PCSK2: variants seen among roughly 807,000 people sequenced by gnomAD.
The protein encoded by PCSK2 is neuroendocrine convertase 2.
PCSK2 carries 14 observed loss-of-function variants against 69.7 expected under a neutral mutation model. The ratio of observed to expected loss-of-function variants is 0.20; its 90% CI spans 0.13 to 0.31. The LOEUF (loss-of-function observed/expected upper bound fraction) is 0.31. Among genes scored for constraint, PCSK2 ranks in the 10% least tolerant of loss-of-function variants. PCSK2 has a pLI of 1.00. For missense variants in PCSK2, 544 were observed against 842.5 expected (o/e 0.65, Z 4.39); for synonymous variants, 307 against 320.7 (o/e 0.96, Z 0.46).
chr20:17,338,163 ATT>A (rs138403647), intron 2 of PCSK2, among the ~76,000 whole-genome samples: 1 of 52,898 alleles, frequency 1.9e-5, no homozygotes, highest in African/African-American at 5.6e-5. Context: ...GAAACCTTAC[ATT>A]TTTTTTGGGG....
chr20:17,382,628 T>C (rs1403342920), intron 5 of PCSK2, among the ~76,000 whole-genome samples: 2 of 152,118 alleles, frequency 1.3e-5, no homozygotes, highest in East Asian at 3.9e-4. Flanking sequence ...ACCACTGGCA[T>C]CCTGGACCAA....
chr20:17,315,430 C>T (rs1376995282), intron 2 of PCSK2, among the ~76,000 whole-genome samples: 1 of 152,198 alleles, frequency 6.6e-6, no homozygotes, highest in Admixed American at 6.5e-5. Flanking sequence ...TATAAGGGAA[C>T]CCGTGGGTGG....
intron 2 of PCSK2, among the ~76,000 whole-genome samples, chr20:17,294,156 T>G (rs148978764): frequency 0.012 from 1,672 of 143,190 alleles, 31 homozygotes; most frequent in African/African-American, 0.041. Flanking sequence ...CCAGGCCGGA[T>G]TGCAGTGGCG....
intron 4 of PCSK2, among the ~76,000 whole-genome samples, chr20:17,366,864 C>T (rs150228584): frequency 2.6e-5 from 4 of 152,210 alleles, no homozygotes; most frequent in African/African-American, 9.6e-5. Context: ...CTCAAATTAT[C>T]TTCTTGCTCC....
chr20:17,449,207 A>G (rs6131953), intron 8 of PCSK2, among the ~76,000 whole-genome samples: 100,843 of 151,922 alleles, frequency 0.66, 33,824 homozygotes, highest in African/African-American at 0.75. Flanking sequence ...GCTGACAGCC[A>G]TTCCACTCAC....
At chr20:17,384,114 C>T (rs6034812) in intron 5 of PCSK2, among the ~76,000 whole-genome samples, 1 of 152,178 alleles carries the variant, frequency 6.6e-6, no homozygotes. Context: ...CCATTGTGTC[C>T]TATAAGCAAC....
chr20:17,444,601 T>C (rs1438604142), intron 8 of PCSK2, among the ~76,000 whole-genome samples: 1 of 152,238 alleles, frequency 6.6e-6, no homozygotes, highest in Admixed American at 6.5e-5. Context: ...GTCTTAGTTT[T>C]AGATCTCCTA....
At chr20:17,282,268 T>A (rs1988345029) in intron 2 of PCSK2, among the ~76,000 whole-genome samples, 1 of 152,030 alleles carries the variant, frequency 6.6e-6, no homozygotes, top group African/African-American at 2.4e-5. Flanking sequence ...CACACACATA[T>A]GTATATATAT....
intron 2 of PCSK2, among the ~76,000 whole-genome samples, chr20:17,337,687 G>A (rs1425124649): frequency 6.6e-6 from 1 of 152,070 alleles, no homozygotes; most frequent in Admixed American, 6.6e-5. Flanking sequence ...CATTTTGGGA[G>A]TCCGATGCAG....
intron 1 of PCSK2, among the ~76,000 whole-genome samples, chr20:17,241,717 A>T (rs948888034): frequency 2.6e-5 from 4 of 151,808 alleles, no homozygotes; most frequent in African/African-American, 9.7e-5. Flanking sequence ...CTATCCATGA[A>T]GATTAGTCCA....
At chr20:17,230,064 T>C (rs1276123687) in intron 1 of PCSK2, among the ~76,000 whole-genome samples, 1 of 152,216 alleles carries the variant, frequency 6.6e-6, no homozygotes, top group Non-Finnish European at 1.5e-5. Context: ...GAAACTTCCT[T>C]GTCTGTATTT....
intron 2 of PCSK2, among the ~76,000 whole-genome samples, chr20:17,339,924 C>T (rs62200977): frequency 1.3e-5 from 2 of 152,196 alleles, no homozygotes; most frequent in Non-Finnish European, 2.9e-5. Flanking sequence ...CTTTGACCTT[C>T]GGATTTTAGG....
chr20:17,379,550 T>C (rs2031029499), intron 5 of PCSK2, among the ~76,000 whole-genome samples: 1 of 152,232 alleles, frequency 6.6e-6, no homozygotes, highest in South Asian at 2.1e-4. Flanking sequence ...TAGAGCCCCA[T>C]TCTTACCTTT....
intron 6 of PCSK2, among the ~76,000 whole-genome samples, chr20:17,427,091 A>T (rs1046323062): frequency 6.6e-6 from 1 of 152,214 alleles, no homozygotes; most frequent in African/African-American, 2.4e-5. Flanking sequence ...GTGACTTCAC[A>T]TCTATCTAAG....
At chr20:17,308,843 G>A (rs1366098076) in intron 2 of PCSK2, among the ~76,000 whole-genome samples, 2 of 152,136 alleles carry the variant, frequency 1.3e-5, no homozygotes, top group Non-Finnish European at 2.9e-5. Context: ...GGCTAGCCCG[G>A]CTTGGTGACT....
At chr20:17,355,456 G>A (rs186272213) in intron 2 of PCSK2, among the ~76,000 whole-genome samples, 3 of 152,122 alleles carry the variant, frequency 2.0e-5, no homozygotes, top group Non-Finnish European at 2.9e-5. Context: ...CTCTCGTTGT[G>A]GAACCAAAAT....
At chr20:17,329,136 C>G (rs1672325070) in intron 2 of PCSK2, among the ~76,000 whole-genome samples, 1 of 152,198 alleles carries the variant, frequency 6.6e-6, no homozygotes, top group South Asian at 2.1e-4. Flanking sequence ...TCCTTAATCA[C>G]TTAGGCTTAG....
intron 2 of PCSK2, among the ~76,000 whole-genome samples, chr20:17,288,858 C>G (rs759885364): frequency 6.6e-6 from 1 of 152,206 alleles, no homozygotes; most frequent in Non-Finnish European, 1.5e-5. Context: ...TACTTTGTTA[C>G]AGCAGCCCTA....
intron 1 of PCSK2, among the ~76,000 whole-genome samples, chr20:17,250,474 T>C (rs891330957): frequency 5.1e-4 from 78 of 152,306 alleles, no homozygotes; most frequent in Admixed American, 3.4e-3. Context: ...TTGGGTAAAG[T>C]GGTCTCTGCC....
Sources: allele counts gnomAD v4.1 joint callset (sites outside exome capture counted in the v4.1 genomes callset), GRCh38; gene constraint gnomAD v4.1.1; transcripts MANE v1.5; gene names NCBI Gene and HGNC (gene_info 2026-07-23, HGNC 2026-07-21).